Variants in TMEM161A observed in about 807,000 individuals in gnomAD.
The protein encoded by TMEM161A is adaptive response to oxidative stress protein 29.
In TMEM161A, 46 loss-of-function variants were observed where a neutral mutation model predicts 57.1. The observed-to-expected ratio is 0.81, with a 90% CI of 0.64 to 1.03. The LOEUF is 1.03. Ranked by LOEUF, TMEM161A falls within the 50% of genes least tolerant of loss-of-function variation. The probability of loss-of-function intolerance (pLI) is 0.00; values close to 1 mark genes in which losing one functional copy is unlikely to be tolerated. For synonymous variants in TMEM161A, 288 were observed against 279.0 expected (o/e 1.03, Z -0.32); for missense variants, 601 against 621.5 (o/e 0.97, Z 0.35).
rs1363380901 is a variant in TMEM161A at position 19,132,333 on chromosome 19, G to C, written c.443+19C>G. The C allele has an allele frequency of 6.2e-7, 1 of 1,605,580 alleles. No homozygotes were observed. Among genetic ancestry groups the C allele is most frequent in the Non-Finnish European group, 8.5e-7 (1 of 1,175,358 alleles). Reference sequence around the variant, plus strand: ...TGCTCCCACCCGCCCCACTGGCAGGGAGCAGAGAGGAAGGATACATGGAGA... The same window carrying C: ...TGCTCCCACCCGCCCCACTGGCAGGCAGCAGAGAGGAAGGATACATGGAGA... On this transcript the variant is annotated intron_variant, in intron 5 of 11. Transcript: ENST00000162044. This position sits in a 1 kb window ranked among gnomAD's most constrained non-coding sequence, Gnocchi z 4.3.
Position 19,133,151 on chromosome 19 carries a change from C to T in TMEM161A, c.167G>A (p.Arg56Lys). The stretch of plus-strand genomic sequence containing the variant: ...TCACCGCTCTTTCCTGCCTCTGGGC[C>T]TCGGCTTCCCCGCCAGGGCCCGAAG... ...EELRALAGKP[R>K]PRGRKERWAN... Residue 56 changes from arginine (R) to lysine (K), a missense_variant, in exon 3 of 12, where the codon AGG becomes AAG. Transcript: ENST00000162044. 2 of 1,614,136 alleles carry T rather than the reference C, an allele frequency of 1.2e-6. No individual in the cohort carries two copies. The highest frequency in any genetic ancestry group is 1.7e-6 in the Non-Finnish European group (2 of 1,179,998).
chr19:19,131,815 C>T (rs907668367), intron 5 of TMEM161A, among the ~76,000 whole-genome samples: 11 of 152,202 alleles, frequency 7.2e-5, no homozygotes, highest in African/African-American at 1.7e-4. Context: ...CATGAGCCAC[C>T]GCGCCTGGCT....
At position 19,138,433 on chromosome 19, in the gene TMEM161A, C is replaced by T. The variant is rs1391109778; in HGVS notation, c.-5G>A. The stretch of plus-strand genomic sequence containing the variant: ...CGCGGGACGCTCGCTCACCATGACG[C>T]GTGCGAGAACGCGGTGCACTCACCC... On this transcript the variant is annotated 5_prime_UTR_variant, in exon 1 of 12. Transcript: ENST00000162044. 2 of 1,602,584 alleles carry T rather than the reference C, an allele frequency of 1.2e-6. No individual in the cohort carries two copies. The highest frequency in any genetic ancestry group is 1.7e-6 in the Non-Finnish European group (2 of 1,174,804).
intron 6 of TMEM161A, among the ~76,000 whole-genome samples, chr19:19,125,019 T>C (rs770619322): frequency 2.0e-5 from 3 of 151,936 alleles, no homozygotes; most frequent in Non-Finnish European, 4.4e-5. Context: ...AAAATATATA[T>C]AGCATTAAAT....
chr19:19,130,376 T>A (rs1254520437), intron 5 of TMEM161A, 69 bp from the exon 6 acceptor site: 3 of 1,586,858 alleles, frequency 1.9e-6, no homozygotes, highest in Non-Finnish European at 2.6e-6. Flanking sequence ...ACACTCCGTC[T>A]GGGACCCCAG....
chr19:19,120,720 C>T (rs1168782289), intron 11 of TMEM161A, 45 bp downstream of exon 11: 2 of 1,492,944 alleles, frequency 1.3e-6, no homozygotes, highest in Non-Finnish European at 1.8e-6. Flanking sequence ...TCTGTTTTAT[C>T]TTCCAACTCC....
chr19:19,123,052 T>C (rs1168341541), intron 6 of TMEM161A, among the ~76,000 whole-genome samples: 1 of 152,140 alleles, frequency 6.6e-6, no homozygotes, highest in Non-Finnish European at 1.5e-5. Flanking sequence ...ATTGAAATAA[T>C]AGGTTGTTAA....
chr19:19,126,695 C>T (rs2059932968), intron 6 of TMEM161A, among the ~76,000 whole-genome samples: 2 of 152,028 alleles, frequency 1.3e-5, no homozygotes, highest in South Asian at 4.1e-4. Context: ...CATGGCAAAA[C>T]CCCATCTCTA....
rs957224738 is a variant in TMEM161A, at chr19:19,121,212, G to C, written c.915-46C>G. ...GCAAGGGACTAAGAAGGTCGCCCCC[G>C]ACCCCCCAGGATCTTCCCCAGGCTC... On this transcript the variant is annotated intron_variant, in intron 9 of 11. Coordinates refer to ENST00000162044, the MANE Select transcript of TMEM161A (RefSeq NM_017814.3). The surrounding 1 kb of genome is among the most constrained non-coding windows in gnomAD (Gnocchi z 5.8). 4.5e-6 allele frequency: 7 copies of C among 1,552,366 alleles called. No individual in the cohort carries two copies. In the East Asian group the frequency reaches 7.2e-5, roughly 16 times the overall value.
chr19:19,120,642 G>A, intron 11 of TMEM161A, 123 bp downstream of exon 11: 1 of 885,450 alleles, frequency 1.1e-6, no homozygotes, highest in Non-Finnish European at 1.8e-6. Flanking sequence ...CCTTACCACA[G>A]TCTCCGCCCC....
chr19:19,132,312 C>A lies in TMEM161A; in HGVS notation c.443+40G>T. On this transcript the variant is annotated intron_variant, in intron 5 of 11. Coordinates refer to ENST00000162044, the MANE Select transcript of TMEM161A (RefSeq NM_017814.3). The surrounding 1 kb of genome is among the most constrained non-coding windows in gnomAD (Gnocchi z 4.3). Reference sequence around the variant, plus strand: ...GAGCCAGGGAAGCTCAGGTCCTGCTCCCACCCGCCCCACTGGCAGGGAGCA... The same window carrying A: ...GAGCCAGGGAAGCTCAGGTCCTGCTACCACCCGCCCCACTGGCAGGGAGCA... 1.9e-6 allele frequency: 3 copies of A among 1,584,898 alleles called. No homozygotes were observed. The highest frequency in any genetic ancestry group is 1.2e-5 in the South Asian group (1 of 86,028).
Position 19,130,259 on chromosome 19 carries a change from C to T in TMEM161A, c.492G>A (p.Gly164=), listed in dbSNP as rs766559895. 1.2e-6 allele frequency: 2 copies of T among 1,613,896 alleles called. No homozygotes were observed. Among genetic ancestry groups the T allele is most frequent in the Non-Finnish European group, 8.5e-7 (1 of 1,180,036 alleles). The change falls in exon 6 of 12, where the codon GGG becomes GGA. Residue 164 remains glycine (G), a synonymous_variant. Transcript: ENST00000162044. ...AGGTGAGGCAGACAGAGCGCTCACC[C>T]CCCTCCTCGGCGCTGAAGTACAGCC... is the stretch of plus-strand genomic sequence containing the variant. The part of the protein sequence containing the change: ...VTRLYFSAEE[G]GERSVCLTFA...
intron 6 of TMEM161A, among the ~76,000 whole-genome samples, chr19:19,124,179 G>A (rs1176706941): frequency 6.6e-6 from 1 of 152,194 alleles, no homozygotes; most frequent in African/African-American, 2.4e-5. Context: ...ATTGTGAATA[G>A]GCTGCAAAAT....
chr19:19,129,977 T>C (rs1275958591), intron 6 of TMEM161A, among the ~76,000 whole-genome samples, 179 bp downstream of exon 6: 1 of 152,024 alleles, frequency 6.6e-6, no homozygotes, highest in African/African-American at 2.4e-5. Context: ...CAATGTCCTG[T>C]CTTCCCCAAA....
At chr19:19,131,578 T>C (rs1000385418) in intron 5 of TMEM161A, among the ~76,000 whole-genome samples, 2 of 151,614 alleles carry the variant, frequency 1.3e-5, no homozygotes, top group South Asian at 2.1e-4. Context: ...CAGGCTGGAG[T>C]GCAATAGCAT....
At chr19:19,124,059 A>G (rs1356922639) in intron 6 of TMEM161A, among the ~76,000 whole-genome samples, 1 of 152,162 alleles carries the variant, frequency 6.6e-6, no homozygotes, top group Non-Finnish European at 1.5e-5. Flanking sequence ...TGTCTCAAAA[A>G]AAAAAAAAGT....
chr19:19,130,439 G>A, intron 5 of TMEM161A, 132 bp from the exon 6 acceptor site: 3 of 1,181,770 alleles, frequency 2.5e-6, no homozygotes, highest in Non-Finnish European at 2.4e-6. Flanking sequence ...ATGACCTAGA[G>A]GAGTTCGGTT....
intron 6 of TMEM161A, among the ~76,000 whole-genome samples, chr19:19,122,722 G>A (rs1350288698): frequency 7.1e-6 from 1 of 141,070 alleles, no homozygotes; most frequent in African/African-American, 2.7e-5. Context: ...GTTGCAGTGA[G>A]CTGAGATCAT....
chr19:19,120,677 C>G, intron 11 of TMEM161A, 88 bp downstream of exon 11: 1 of 1,272,156 alleles, frequency 7.9e-7, no homozygotes. Flanking sequence ...CCTCTCCCCC[C>G]CCACCGCGGT....
Sources: allele counts gnomAD v4.1 joint callset (sites outside exome capture counted in the v4.1 genomes callset), GRCh38; gene constraint gnomAD v4.1.1; non-coding constraint Gnocchi (gnomAD v3.1); transcripts MANE v1.5; gene names NCBI Gene and HGNC (gene_info 2026-07-23, HGNC 2026-07-21).